SLC2A3: variants seen among roughly 807,000 people sequenced by gnomAD.
SLC2A3 encodes solute carrier family 2 member 3, also known as solute carrier family 2, facilitated glucose transporter member 3.
SLC2A3 carries 21 observed loss-of-function variants against 46.4 expected under a neutral mutation model. The observed-to-expected ratio is 0.45, with a 90% CI of 0.32 to 0.65. The LOEUF is 0.65. SLC2A3 is among the 30% of genes least tolerant of loss of function. SLC2A3 has a pLI of 0.04. For missense variants in SLC2A3, 499 were observed against 623.3 expected (o/e 0.80, Z 2.12); for synonymous variants, 213 against 239.4 (o/e 0.89, Z 1.02).
chr12:7,930,613 A>C lies in SLC2A3; in HGVS notation c.540T>G (p.Ser180=), dbSNP rs912760266. ...CCAGTAGCAGCGGCCATAGCTCTTCAGACCCAAGGATGAATTCCAGACCAA... is the reference window on the plus strand; with the variant it reads ...CCAGTAGCAGCGGCCATAGCTCTTCCGACCCAAGGATGAATTCCAGACCAA... ...QIFGLEFILG[S]EELWPLLLGF... Residue 180 remains serine (S), a synonymous_variant, in exon 5 of 10, where the codon TCT becomes TCG. Transcript: ENST00000075120. 1.2e-6 allele frequency: 2 copies of C among 1,613,804 alleles called. No individual in the cohort carries two copies. The highest frequency in any genetic ancestry group is 4.5e-5 in the East Asian group (2 of 44,878).
rs1369224088 is a variant in SLC2A3, at chr12:7,931,272, G to A, written c.483C>T (p.Gly161=). The part of the protein sequence containing the change: ...RGAFGTLNQL[G]IVVGILVAQI... ...GGGCCACCAGAATTCCAACAACGAT[G>A]CCCAGCTGGTTGAGAGTGCCAAAGG... Residue 161 remains glycine, a synonymous_variant, in exon 4 of 10, where the codon GGC becomes GGT. Coordinates refer to ENST00000075120, the MANE Select transcript of SLC2A3 (RefSeq NM_006931.3). 6.2e-7 allele frequency: 1 copy of A among 1,614,152 alleles called. No homozygotes were observed. Among genetic ancestry groups the A allele is most frequent in the South Asian group, 1.1e-5 (1 of 91,084 alleles).
In SLC2A3 at chr12:7,935,576, T is replaced by G. The variant is rs115507112; in HGVS notation, c.15+444A>C. 2.0e-3 allele frequency among the ~76,000 whole-genome samples: 303 copies of G among 152,282 alleles called. 1 individual carries two copies. Among genetic ancestry groups the G allele is most frequent in the African/African-American group, 7.1e-3 (295 of 41,558 alleles). On this transcript the variant is annotated intron_variant, in intron 1 of 9. Transcript: ENST00000075120. ...CAACTGGAATTCTTTCTCCTTAGCA[T>G]CCACGAACCCCATATGTTATAGGAC...
chr12:7,933,121 A>G lies in SLC2A3; in HGVS notation c.135T>C (p.Thr45=). The change falls in exon 3 of 10, where the codon ACT becomes ACC. Residue 45 remains threonine (T), a synonymous_variant. Transcript: ENST00000075120. ...GTGGGGCATTTCCCTTGTCCGTCAA[A>G]GTTTTATTGATAAATTCCTTTATGA... is the stretch of plus-strand genomic sequence containing the variant. ...EKIIKEFINK[T]LTDKGNAPPS... 1 of 1,614,124 alleles carries G rather than the reference A, an allele frequency of 6.2e-7. No homozygotes were observed. The highest frequency in any genetic ancestry group is 1.1e-5 in the South Asian group (1 of 91,082).
intron 3 of SLC2A3, among the ~76,000 whole-genome samples, chr12:7,931,966 G>A (rs966276638): frequency 2.0e-5 from 3 of 146,736 alleles, no homozygotes; most frequent in Non-Finnish European, 4.5e-5. Flanking sequence ...ACTGCAACCT[G>A]CGCCTCCCAG....
At chr12:7,925,517 G>T (rs1946085890) in intron 7 of SLC2A3, 1 of 211,402 alleles carries the variant, frequency 4.7e-6, no homozygotes, top group Non-Finnish European at 9.8e-6. Flanking sequence ...ATATTCTGGG[G>T]ATCACAGATA....
chr12:7,923,082 G>A (rs761225225), intron 8 of SLC2A3, 58 bp from the exon 9 acceptor site: 2 of 1,505,898 alleles, frequency 1.3e-6, no homozygotes, highest in African/African-American at 2.8e-5. Flanking sequence ...CTAGTATCTA[G>A]GTTCCCAGAA....
In SLC2A3 at chr12:7,919,654, GC is replaced by G. The variant is rs1358979545; in HGVS notation, c.*1758del. ...CCAGACTGGTCTCGAACCCCTGACCGCCCGCCTAGGCCTCCCAAAGTGCTGG... is the reference window on the plus strand; with the variant it reads ...CCAGACTGGTCTCGAACCCCTGACCGCCGCCTAGGCCTCCCAAAGTGCTGG... On this transcript the variant is annotated 3_prime_UTR_variant, in exon 10 of 10. Transcript: ENST00000075120. 6.6e-6 allele frequency: 1 copy of G among 151,822 alleles called. No homozygotes were observed. Among genetic ancestry groups the G allele is most frequent in the Non-Finnish European group, 1.5e-5 (1 of 67,956 alleles). The allele number at this position is 151,822 out of a possible 1,614,324, so 9.4% of individuals were successfully genotyped here. A position where few individuals can be genotyped will look rare whatever the true frequency, so the allele number is the denominator to read the frequency against.
In SLC2A3 at chr12:7,921,564, A is replaced by G; in HGVS notation, c.1340T>C (p.Phe447Ser). Residue 447 changes from phenylalanine (F) to serine (S), a missense_variant, in exon 10 of 10, where the codon TTC (phenylalanine) becomes TCC (serine). Coordinates refer to ENST00000075120, the MANE Select transcript of SLC2A3 (RefSeq NM_006931.3). ...GFLITFLAFTFFKVPETRGRT... is the reference protein window; with the variant it reads ...GFLITFLAFTSFKVPETRGRT... ...GCCACGGGTCTCAGGGACTTTGAAGAAGGTAAAAGCCAAGAAGGTAATGAG... is the reference window on the plus strand; with the variant it reads ...GCCACGGGTCTCAGGGACTTTGAAGGAGGTAAAAGCCAAGAAGGTAATGAG... The G allele has an allele frequency of 6.2e-7, 1 of 1,613,976 alleles. No individual in the cohort carries two copies. The highest frequency in any genetic ancestry group is 1.7e-5 in the Admixed American group (1 of 60,004).
intron 6 of SLC2A3, 45 bp from the exon 7 acceptor site, chr12:7,925,993 C>T (rs757320858): frequency 1.3e-6 from 2 of 1,482,430 alleles, no homozygotes; most frequent in Non-Finnish European, 1.9e-6. Flanking sequence ...TTCTGCACAC[C>T]AGTTACACAG....
intron 4 of SLC2A3, among the ~76,000 whole-genome samples, chr12:7,930,868 C>G (rs1158457971): frequency 2.1e-5 from 3 of 142,068 alleles, no homozygotes; most frequent in Non-Finnish European, 3.0e-5. Flanking sequence ...ACAATCTCGG[C>G]TCACTGCAAA....
intron 6 of SLC2A3, among the ~76,000 whole-genome samples, chr12:7,926,154 C>G (rs985454229): frequency 7.9e-5 from 12 of 152,116 alleles, no homozygotes; most frequent in Non-Finnish European, 1.2e-4. Flanking sequence ...TGCAGTGGCA[C>G]AATCTCAGCT....
intron 5 of SLC2A3, 110 bp downstream of exon 5, chr12:7,930,370 G>A (rs1296825456): frequency 6.7e-6 from 8 of 1,185,752 alleles, no homozygotes; most frequent in Admixed American, 2.2e-5. Context: ...CTCCTCACTT[G>A]GATTCTGAGA....
intron 8 of SLC2A3, 178 bp from the exon 9 acceptor site, chr12:7,923,202 T>C (rs1016643762): frequency 1.1e-5 from 7 of 658,016 alleles, no homozygotes; most frequent in African/African-American, 1.8e-5. Flanking sequence ...AGGGTCTTAC[T>C]CTGTTGCCCA....
chr12:7,933,967 T>C (rs889246516), intron 1 of SLC2A3, 65 bp from the exon 2 acceptor site: 8 of 1,471,926 alleles, frequency 5.4e-6, no homozygotes, highest in African/African-American at 1.4e-5. Flanking sequence ...CTGTTTCTTA[T>C]TAATTATGGA....
chr12:7,922,168 G>A (rs750683526), intron 9 of SLC2A3, among the ~76,000 whole-genome samples: 1 of 152,200 alleles, frequency 6.6e-6, no homozygotes, highest in South Asian at 2.1e-4. Context: ...ACAGGTGTGT[G>A]CTACCGCAAT....
At chr12:7,933,482 C>A in intron 2 of SLC2A3, 1 of 461,818 alleles carries the variant, frequency 2.2e-6, no homozygotes. Context: ...CACCGCCCAG[C>A]GTTCCGGGAG....
In SLC2A3 at chr12:7,933,162, G is replaced by C. The variant is rs751326237; in HGVS notation, c.109-15C>G. On this transcript the variant is annotated splice_polypyrimidine_tract_variant and intron_variant, in intron 2 of 9. Coordinates refer to ENST00000075120, the MANE Select transcript of SLC2A3 (RefSeq NM_006931.3). Reference sequence around the variant, plus strand: ...TCCTTTATGATCTGCAAAATAAAAGGGTTGGTGGAAGAACAGACTGTTACA... The same window carrying C: ...TCCTTTATGATCTGCAAAATAAAAGCGTTGGTGGAAGAACAGACTGTTACA... 62 of 1,613,300 alleles carry C rather than the reference G, an allele frequency of 3.8e-5. No individual in the cohort carries two copies. The Admixed American group carries it at 7.5e-4, about 20-fold the overall frequency.
intron 5 of SLC2A3, 179 bp downstream of exon 5, chr12:7,930,300 AC>A: frequency 1.5e-6 from 1 of 652,260 alleles, no homozygotes; most frequent in Non-Finnish European, 2.5e-6. Flanking sequence ...CCATTCCTAA[AC>A]CCGCCTTTTC....
rs778953372 is a variant in SLC2A3, at chr12:7,936,008, T to C, written c.15+12A>G. 5 of 1,595,052 alleles carry C rather than the reference T, an allele frequency of 3.1e-6. No individual in the cohort carries two copies. Among genetic ancestry groups the C allele is most frequent in the Non-Finnish European group, 2.6e-6 (3 of 1,162,590 alleles). On this transcript the variant is annotated intron_variant, in intron 1 of 9. Coordinates refer to ENST00000075120, the MANE Select transcript of SLC2A3 (RefSeq NM_006931.3). ...AACAAGCAAAAATAACCAGTAATTA[T>C]ATCATTCTTACCTTCTGTGTCCCCA...
Sources: allele counts gnomAD v4.1 joint callset (sites outside exome capture counted in the v4.1 genomes callset), GRCh38; gene constraint gnomAD v4.1.1; transcripts MANE v1.5; gene names NCBI Gene and HGNC (gene_info 2026-07-23, HGNC 2026-07-21).